The following SLC38A11 variants were observed in gnomAD, a reference collection of about 807,000 sequenced individuals.
The protein encoded by SLC38A11 is putative sodium-coupled neutral amino acid transporter 11.
Under a neutral mutation model 49.4 loss-of-function variants are expected in SLC38A11, and 51 were observed. That is an observed-to-expected ratio of 1.03 (90% CI 0.83 to 1.30). The LOEUF (loss-of-function observed/expected upper bound fraction) is 1.30. Ranked by LOEUF, SLC38A11 falls within the 50% of genes most tolerant of loss-of-function variation. The pLI is 0.00. For synonymous variants in SLC38A11, 203 were observed against 192.9 expected (o/e 1.05, Z -0.43); for missense variants, 574 against 556.2 (o/e 1.03, Z -0.32).
intron 7 of SLC38A11, among the ~76,000 whole-genome samples, chr2:164,936,231 AT>A (rs1687363772): frequency 6.6e-6 from 1 of 152,164 alleles, no homozygotes; most frequent in African/African-American, 2.4e-5. Context: ...AGAAAAGGCT[AT>A]ATCAAATGCA....
chr2:164,933,537 T>G (rs1170457683), intron 7 of SLC38A11, among the ~76,000 whole-genome samples: 1 of 152,112 alleles, frequency 6.6e-6, no homozygotes, highest in Non-Finnish European at 1.5e-5. Context: ...ACATAACCAC[T>G]AAAATGATGT....
At position 164,945,752 on chromosome 2, in the gene SLC38A11, G is replaced by T. The variant is rs201135509; in HGVS notation, c.230-25C>A. 8 of 1,593,858 alleles carry T rather than the reference G, an allele frequency of 5.0e-6. No individual in the cohort carries two copies. The East Asian group carries it at 1.6e-4, about 31-fold the overall frequency. On this transcript the variant is annotated intron_variant, in intron 3 of 11. Transcript: ENST00000685975. The stretch of plus-strand genomic sequence containing the variant: ...TCTGTGGCAAGAACATCAATTAAAT[G>T]TCAGATTACATGTAATACAAATATT...
At chr2:164,948,511 G>A (rs1180863912) in intron 3 of SLC38A11, among the ~76,000 whole-genome samples, 1 of 152,128 alleles carries the variant, frequency 6.6e-6, no homozygotes, top group Non-Finnish European at 1.5e-5. Flanking sequence ...AAAGAATCAG[G>A]ACTTATGCCG....
At chr2:164,899,909 C>A (rs1684547974) in intron 11 of SLC38A11, among the ~76,000 whole-genome samples, 1 of 152,062 alleles carries the variant, frequency 6.6e-6, no homozygotes, top group Non-Finnish European at 1.5e-5. Context: ...TACATATCTG[C>A]TACTTTGAAT....
At chr2:164,923,499 A>AT (rs1686351655) in intron 7 of SLC38A11, among the ~76,000 whole-genome samples, 5 of 150,778 alleles carry the variant, frequency 3.3e-5, no homozygotes, top group African/African-American at 1.2e-4. Flanking sequence ...ATTATCAGAG[A>AT]AATGCAAATC....
At chr2:164,917,950 A>C (rs1260939338) in intron 7 of SLC38A11, among the ~76,000 whole-genome samples, 1 of 152,164 alleles carries the variant, frequency 6.6e-6, no homozygotes, top group Non-Finnish European at 1.5e-5. Flanking sequence ...AAAGTGCCAA[A>C]AAAGATGTTA....
At chr2:164,932,568 T>C (rs1404338960) in intron 7 of SLC38A11, among the ~76,000 whole-genome samples, 1 of 152,052 alleles carries the variant, frequency 6.6e-6, no homozygotes, top group African/African-American at 2.4e-5. Flanking sequence ...CATAAAAAGA[T>C]CATGTCCTCT....
chr2:164,926,911 T>G (rs1686638798), intron 7 of SLC38A11, among the ~76,000 whole-genome samples: 1 of 150,180 alleles, frequency 6.7e-6, no homozygotes, highest in African/African-American at 2.4e-5. Context: ...ATACCTAATG[T>G]AAATGACGAG....
intron 3 of SLC38A11, among the ~76,000 whole-genome samples, chr2:164,948,295 G>A (rs1424263729): frequency 6.6e-6 from 1 of 152,184 alleles, no homozygotes; most frequent in African/African-American, 2.4e-5. Flanking sequence ...TTTGGAGTCA[G>A]ATAATAATGA....
At chr2:164,936,036 A>C (rs1040731945) in intron 7 of SLC38A11, among the ~76,000 whole-genome samples, 2 of 152,188 alleles carry the variant, frequency 1.3e-5, no homozygotes, top group African/African-American at 4.8e-5. Flanking sequence ...GAACTATGAG[A>C]AAATACCTTT....
intron 10 of SLC38A11, among the ~76,000 whole-genome samples, chr2:164,909,748 A>G (rs1403141893): frequency 6.6e-6 from 1 of 152,040 alleles, no homozygotes; most frequent in Non-Finnish European, 1.5e-5. Flanking sequence ...CCTGTGCAAA[A>G]GAACAGTGAG....
chr2:164,937,531 AT>A (rs901196011), intron 6 of SLC38A11, 102 bp from the exon 7 acceptor site: 180 of 765,540 alleles, frequency 2.4e-4, no homozygotes, highest in Non-Finnish European at 3.1e-4. Context: ...TTACATATAG[AT>A]TTTTTTGCCT....
intron 7 of SLC38A11, among the ~76,000 whole-genome samples, chr2:164,920,143 G>A (rs546932626): frequency 6.6e-5 from 10 of 152,088 alleles, no homozygotes; most frequent in Non-Finnish European, 1.2e-4. Context: ...GTGTGGTGGC[G>A]TGGGCCTGTA....
At chr2:164,955,003 A>C (rs1420369774) in intron 1 of SLC38A11, among the ~76,000 whole-genome samples, 1 of 151,840 alleles carries the variant, frequency 6.6e-6, no homozygotes, top group African/African-American at 2.4e-5. Context: ...ATCTGTTAGG[A>C]ATTCAGTGAT....
intron 9 of SLC38A11, among the ~76,000 whole-genome samples, chr2:164,913,324 C>G (rs1685534183): frequency 6.6e-6 from 1 of 152,014 alleles, no homozygotes; most frequent in African/African-American, 2.4e-5. Flanking sequence ...TCCCCGTTCA[C>G]TAACCTCCAC....
chr2:164,928,428 T>C (rs1314911186), intron 7 of SLC38A11, among the ~76,000 whole-genome samples: 1 of 152,188 alleles, frequency 6.6e-6, no homozygotes, highest in Non-Finnish European at 1.5e-5. Flanking sequence ...AGAAGGCACA[T>C]AGATTCATTC....
chr2:164,910,896 C>T (rs1685352722), intron 10 of SLC38A11, among the ~76,000 whole-genome samples: 1 of 152,014 alleles, frequency 6.6e-6, no homozygotes, highest in Admixed American at 6.6e-5. Context: ...TCCAATTTTA[C>T]ACCAAAAGAA....
At chr2:164,948,524 G>A (rs979657268) in intron 3 of SLC38A11, among the ~76,000 whole-genome samples, 4 of 152,168 alleles carry the variant, frequency 2.6e-5, no homozygotes, top group Admixed American at 2.0e-4. Flanking sequence ...TTATGCCGTA[G>A]TAGTCTGGCC....
Position 164,954,710 on chromosome 2 carries a change from T to G in SLC38A11, c.75A>C (p.Glu25Asp). ...DLDDRETLVS[E>D]HEYKEKTCQS... ...GACAGGTTTTCTCTTTATACTCATG[T>G]TCAGAAACAAGGGTTTCTCTGTCAT... The change falls in exon 2 of 12, where the codon GAA (glutamate) becomes GAC (aspartate). Residue 25 changes from glutamate to aspartate, a missense_variant. By Grantham distance (45) the Glu-to-Asp change is conservative. Coordinates refer to ENST00000685975, the MANE Select transcript of SLC38A11 (RefSeq NM_001351537.2). 1 of 1,539,346 alleles carries G rather than the reference T, an allele frequency of 6.5e-7. No homozygotes were observed. Among genetic ancestry groups the G allele is most frequent in the Non-Finnish European group, 8.8e-7 (1 of 1,140,662 alleles).
Sources: gnomAD v4.1 joint callset for allele counts (sites outside exome capture counted in the v4.1 genomes callset) on GRCh38, gnomAD v4.1.1 for gene constraint, MANE v1.5 for transcripts, NCBI Gene and HGNC (gene_info 2026-07-23, HGNC 2026-07-21) for gene names.